AGBL1: variants seen among roughly 807,000 people sequenced by gnomAD.
The protein encoded by AGBL1 is cytosolic carboxypeptidase 4.
AGBL1 carries 130 observed loss-of-function variants against 118.9 expected under a neutral mutation model. The observed-to-expected ratio is 1.09, with a 90% CI of 0.95 to 1.26. AGBL1 has a LOEUF of 1.26. Among genes scored for constraint, AGBL1 ranks in the 50% most tolerant of loss-of-function variants. The probability of loss-of-function intolerance (pLI) is 0.00; values close to 1 mark genes in which losing one functional copy is unlikely to be tolerated. For missense variants in AGBL1, 1,584 were observed against 1,298.1 expected (o/e 1.22, Z -3.38); for synonymous variants, 555 against 478.9 (o/e 1.16, Z -2.08).
intron 1 of AGBL1, among the ~76,000 whole-genome samples, chr15:86,120,312 C>T (rs1194058615): frequency 1.3e-5 from 2 of 152,180 alleles, no homozygotes; most frequent in Non-Finnish European, 1.5e-5. Context: ...ACTCTCCTTG[C>T]TCTTAATGCA....
intron 22 of AGBL1, among the ~76,000 whole-genome samples, chr15:86,893,395 T>C (rs2141562374): frequency 6.6e-6 from 1 of 152,330 alleles, no homozygotes; most frequent in Non-Finnish European, 1.5e-5. Flanking sequence ...CATTAAGGAA[T>C]GCCACAGGCT....
At chr15:86,654,682 C>A (rs187511273) in intron 21 of AGBL1, among the ~76,000 whole-genome samples, 1 of 152,206 alleles carries the variant, frequency 6.6e-6, no homozygotes, top group Non-Finnish European at 1.5e-5. Context: ...TGTTTCAAAC[C>A]TTCTCCTATA....
chr15:86,554,573 C>T, intron 21 of AGBL1, 36 bp downstream of exon 21: 1 of 1,421,718 alleles, frequency 7.0e-7, no homozygotes, highest in Non-Finnish European at 9.2e-7. Flanking sequence ...ACTTTCTGTC[C>T]AGCAACAATA....
At chr15:86,103,372 CT>C (rs1292156663) in intron 1 of AGBL1, among the ~76,000 whole-genome samples, 1 of 152,038 alleles carries the variant, frequency 6.6e-6, no homozygotes, top group African/African-American at 2.4e-5. Flanking sequence ...TAATCTGTTG[CT>C]AGAGAATTAT....
Position 87,013,819 on chromosome 15 carries a change from A to T in AGBL1, c.3324-15006A>T, listed in dbSNP as rs541004972. Reference sequence around the variant, plus strand: ...TAAATTTAACAAAATGGAGTTAGTTATGCTGAATTCCCAGCTCAACTATTC... The same window carrying T: ...TAAATTTAACAAAATGGAGTTAGTTTTGCTGAATTCCCAGCTCAACTATTC... On this transcript the variant is annotated intron_variant, in intron 24 of 24. Coordinates refer to the AGBL1 transcript ENST00000441037. 2.3e-4 allele frequency among the ~76,000 whole-genome samples: 33 copies of T among 144,510 alleles called. No homozygotes were observed. In the East Asian group the frequency reaches 5.9e-3, roughly 26 times the overall value. 94.8% of individuals were successfully genotyped at this position (144,510 alleles called of 152,430 possible).
At chr15:86,965,092 A>G (rs2081035927) in intron 23 of AGBL1, among the ~76,000 whole-genome samples, 1 of 152,136 alleles carries the variant, frequency 6.6e-6, no homozygotes, top group African/African-American at 2.4e-5. Context: ...CAATAAACAT[A>G]CATGTGCATG....
chr15:86,530,122 T>A (rs2083328404), intron 19 of AGBL1, among the ~76,000 whole-genome samples: 1 of 139,004 alleles, frequency 7.2e-6, no homozygotes, highest in African/African-American at 3.4e-5. Flanking sequence ...CAACTTTAAA[T>A]GTAAATGGAC....
chr15:86,599,363 G>A (rs965269020), intron 21 of AGBL1, among the ~76,000 whole-genome samples: 6 of 151,826 alleles, frequency 4.0e-5, no homozygotes. Flanking sequence ...TAAAGCCCAG[G>A]GACAAATTTG....
chr15:86,354,014 G>A (rs965435075), intron 17 of AGBL1, among the ~76,000 whole-genome samples: 1 of 152,208 alleles, frequency 6.6e-6, no homozygotes, highest in Non-Finnish European at 1.5e-5. Context: ...TTCAGAGAAT[G>A]TAGCTCTGTG....
chr15:86,651,004 C>T (rs530560397), intron 21 of AGBL1, among the ~76,000 whole-genome samples: 2 of 152,318 alleles, frequency 1.3e-5, no homozygotes, highest in African/African-American at 4.8e-5. Context: ...CTCAAATTGG[C>T]TTTCATCTGA....
intron 5 of AGBL1, among the ~76,000 whole-genome samples, chr15:86,204,774 G>A (rs1044517507): frequency 6.6e-6 from 1 of 152,012 alleles, no homozygotes; most frequent in Non-Finnish European, 1.5e-5. Flanking sequence ...GTTTTTAGTA[G>A]AGATGGTGTT....
At chr15:86,903,590 C>T (rs1433849467) in intron 22 of AGBL1, among the ~76,000 whole-genome samples, 1 of 152,122 alleles carries the variant, frequency 6.6e-6, no homozygotes, top group Non-Finnish European at 1.5e-5. Context: ...TGAGTATTAT[C>T]CTATGAGGCT....
intron 18 of AGBL1, among the ~76,000 whole-genome samples, chr15:86,495,600 C>T (rs984310109): frequency 9.9e-5 from 15 of 151,898 alleles, no homozygotes; most frequent in Middle Eastern, 3.4e-3. Context: ...ATTGTTGGAA[C>T]GCTGTTCTTA....
intron 21 of AGBL1, among the ~76,000 whole-genome samples, chr15:86,663,565 G>A (rs1057433652): frequency 3.9e-5 from 6 of 152,116 alleles, no homozygotes; most frequent in Admixed American, 6.6e-5. Flanking sequence ...AACAGCAAAG[G>A]GGAGGGAGGC....
chr15:86,359,612 T>C (rs943791215), intron 17 of AGBL1, among the ~76,000 whole-genome samples: 2 of 151,750 alleles, frequency 1.3e-5, no homozygotes, highest in Non-Finnish European at 3.0e-5. Context: ...AAGGATTGCA[T>C]TGAATCAGAT....
At chr15:86,620,260 C>T (rs1224625401) in intron 21 of AGBL1, among the ~76,000 whole-genome samples, 1 of 152,202 alleles carries the variant, frequency 6.6e-6, no homozygotes, top group African/African-American at 2.4e-5. Flanking sequence ...TTCTAGCACT[C>T]TGTCCACCTC....
intron 6 of AGBL1, among the ~76,000 whole-genome samples, chr15:86,242,751 G>A (rs566742953): frequency 1.3e-5 from 2 of 152,284 alleles, no homozygotes; most frequent in East Asian, 3.9e-4. Context: ...CCCAAATATG[G>A]GAAATAAAGA....
In AGBL1 at chr15:86,083,886, G is replaced by A. The variant is rs188074664; in HGVS notation, c.51+3863G>A. ...ATCCATAGGGTCAGGTGGAACAGAC[G>A]CTGAGCTTTTCCCTTGGACTTAAAC... On this transcript the variant is annotated intron_variant, in intron 1 of 22. Transcript: ENST00000614907. Among the ~76,000 whole-genome samples the A allele has an allele frequency of 1.6e-4, 24 of 152,304 alleles. 1 individual carries two copies. The highest frequency in any genetic ancestry group is 2.2e-4 in the Non-Finnish European group (15 of 68,018).
chr15:86,448,631 G>A (rs1213683449), intron 18 of AGBL1, among the ~76,000 whole-genome samples: 1 of 152,206 alleles, frequency 6.6e-6, no homozygotes, highest in African/African-American at 2.4e-5. Context: ...TAGAAGAAAG[G>A]AAGGTCCCTC....
Sources: allele counts gnomAD v4.1 joint callset (sites outside exome capture counted in the v4.1 genomes callset), GRCh38; gene constraint gnomAD v4.1.1; transcripts MANE v1.5; gene names NCBI Gene and HGNC (gene_info 2026-07-23, HGNC 2026-07-21).